CTNND2: variants seen among roughly 807,000 people sequenced by gnomAD.
CTNND2 encodes catenin delta-2.
A neutral mutation model predicts 144.4 loss-of-function variants in CTNND2; 22 were observed. That is an observed-to-expected ratio of 0.15 (90% confidence interval 0.11 to 0.22). The LOEUF is 0.22. Among genes scored for constraint, CTNND2 ranks in the 10% least tolerant of loss-of-function variants. CTNND2 has a pLI of 1.00. For missense variants in CTNND2, 1,353 were observed against 1,618.8 expected, an observed-to-expected ratio of 0.84 and a Z score of 2.82; for synonymous variants, 751 against 695.6, an observed-to-expected ratio of 1.08 and a Z score of -1.25.
At chr5:11,286,344 G>T (rs1417086362) in intron 9 of CTNND2, among the ~76,000 whole-genome samples, 1 of 152,108 alleles carries the variant, frequency 6.6e-6, no homozygotes, top group African/African-American at 2.4e-5. Context: ...TTTCACTTAT[G>T]AACAAATCCC....
intron 7 of CTNND2, among the ~76,000 whole-genome samples, chr5:11,370,980 T>A (rs1757424195): frequency 6.6e-6 from 1 of 152,242 alleles, no homozygotes; most frequent in Non-Finnish European, 1.5e-5. Flanking sequence ...GGTCAGTTAA[T>A]GCACTGATAA....
rs190215469 is a variant in CTNND2 at position 11,666,085 on chromosome 5, G to A, written c.174+66051C>T. Among the ~76,000 whole-genome samples the A allele has an allele frequency of 7.2e-4, 110 of 152,272 alleles. 1 individual carries two copies. The highest frequency in any genetic ancestry group is 8.8e-4 in the Non-Finnish European group (60 of 68,026). On this transcript the variant is annotated intron_variant, in intron 2 of 21. Coordinates refer to ENST00000304623, the MANE Select transcript of CTNND2 (RefSeq NM_001332.4). ...GTACTACAGAATGATAGCCAAGAAG[G>A]ATGACACTTAAGCCCCAAACCTAAC...
intron 1 of CTNND2, among the ~76,000 whole-genome samples, chr5:11,800,590 T>C (rs1269928657): frequency 6.6e-6 from 1 of 152,178 alleles, no homozygotes; most frequent in East Asian, 1.9e-4. Context: ...CACCAAGTGA[T>C]GAAGGAAAAG....
At chr5:11,748,811 T>C (rs1341082869) in intron 1 of CTNND2, among the ~76,000 whole-genome samples, 2 of 152,084 alleles carry the variant, frequency 1.3e-5, no homozygotes, top group African/African-American at 4.8e-5. Context: ...GGTTCTTTCA[T>C]ACTCCTCTCT....
chr5:11,709,638 A>G (rs1785909814), intron 2 of CTNND2, among the ~76,000 whole-genome samples: 1 of 152,190 alleles, frequency 6.6e-6, no homozygotes, highest in South Asian at 2.1e-4. Flanking sequence ...AATTCTACAG[A>G]AAGCAATAAG....
rs376212383 is a variant in CTNND2 at position 11,557,752 on chromosome 5, G to A, written c.287+7192C>T. Reference sequence around the variant, plus strand: ...ACATTCCTAGGATTATACAGTCTGCGAAAACCAACTGATGACGGGAATCTT... The same window carrying A: ...ACATTCCTAGGATTATACAGTCTGCAAAAACCAACTGATGACGGGAATCTT... On this transcript the variant is annotated intron_variant, in intron 3 of 21. Coordinates refer to ENST00000304623, the MANE Select transcript of CTNND2 (RefSeq NM_001332.4). Among the ~76,000 whole-genome samples, 11 of 152,118 alleles carry A rather than the reference G, an allele frequency of 7.2e-5. No homozygotes were observed. The South Asian group carries it at 2.3e-3, about 32-fold the overall frequency.
chr5:11,805,575 C>T (rs10053562), intron 1 of CTNND2, among the ~76,000 whole-genome samples: 15,148 of 152,044 alleles, frequency 0.1, 1,785 homozygotes, highest in African/African-American at 0.28. Context: ...ATGTCAAAGC[C>T]ACTCAGTAGC....
chr5:11,126,146 A>C (rs1754649974), intron 12 of CTNND2, among the ~76,000 whole-genome samples: 1 of 152,174 alleles, frequency 6.6e-6, no homozygotes, highest in African/African-American at 2.4e-5. Context: ...TACTAAAAAT[A>C]CAAAATTAGC....
At chr5:11,013,104 G>A (rs1477399175) in intron 18 of CTNND2, among the ~76,000 whole-genome samples, 1 of 152,108 alleles carries the variant, frequency 6.6e-6, no homozygotes, top group Non-Finnish European at 1.5e-5. Flanking sequence ...CATTCGAGAG[G>A]TGCCTCCTTA....
chr5:11,349,909 A>G (rs772696132), intron 8 of CTNND2, among the ~76,000 whole-genome samples: 1 of 152,188 alleles, frequency 6.6e-6, no homozygotes, highest in African/African-American at 2.4e-5. Context: ...AGGCTGAGGT[A>G]GGCAGATCAT....
At chr5:11,090,132 G>A (rs1004690596) in intron 15 of CTNND2, among the ~76,000 whole-genome samples, 3 of 152,192 alleles carry the variant, frequency 2.0e-5, no homozygotes, top group African/African-American at 4.8e-5. Context: ...CTTTGACTCA[G>A]GGCTTATGAA....
At chr5:11,718,737 T>G (rs1025679603) in intron 2 of CTNND2, among the ~76,000 whole-genome samples, 73 of 152,312 alleles carry the variant, frequency 4.8e-4, no homozygotes, top group African/African-American at 1.6e-3. Context: ...GCACTCTCTC[T>G]CCAGCGGATT....
chr5:10,986,104 A>C (rs745801953), intron 20 of CTNND2, among the ~76,000 whole-genome samples: 17 of 152,224 alleles, frequency 1.1e-4, no homozygotes, highest in Non-Finnish European at 2.2e-4. Context: ...CCTGAATTGC[A>C]TTTTTAAGTA....
At chr5:11,758,270 G>A (rs1461815793) in intron 1 of CTNND2, among the ~76,000 whole-genome samples, 2 of 151,794 alleles carry the variant, frequency 1.3e-5, no homozygotes, top group Non-Finnish European at 2.9e-5. Flanking sequence ...AGTATGATAT[G>A]ATGTTTTGAT....
chr5:11,644,809 C>G (rs1400929614), intron 2 of CTNND2, among the ~76,000 whole-genome samples: 1 of 151,974 alleles, frequency 6.6e-6, no homozygotes, highest in African/African-American at 2.4e-5. Context: ...TGCTTGTCAC[C>G]CATAAGTCAA....
intron 10 of CTNND2, among the ~76,000 whole-genome samples, chr5:11,224,242 A>G (rs754595439): frequency 2.6e-5 from 4 of 152,178 alleles, no homozygotes; most frequent in African/African-American, 4.8e-5. Flanking sequence ...CACTGGCCCA[A>G]TAATTCCTGA....
intron 12 of CTNND2, among the ~76,000 whole-genome samples, chr5:11,127,996 A>G (rs1172408345): frequency 6.6e-6 from 1 of 151,920 alleles, no homozygotes; most frequent in East Asian, 1.9e-4. Flanking sequence ...TAATTCTTGG[A>G]GTCTGTGAAC....
chr5:10,976,176 TGTG>T (rs1486804671), intron 21 of CTNND2, among the ~76,000 whole-genome samples: 8 of 93,750 alleles, frequency 8.5e-5, no homozygotes, highest in African/African-American at 2.5e-4. Context: ...TGTGGTATCT[TGTG>T]GTATTTGCTC....
intron 13 of CTNND2, 47 bp from the exon 14 acceptor site, chr5:11,111,090 T>C: frequency 6.4e-7 from 1 of 1,565,962 alleles, no homozygotes; most frequent in Non-Finnish European, 8.7e-7. Flanking sequence ...AAACTAGCAC[T>C]CAGCACTCCA....
Sources: gnomAD v4.1 joint callset for allele counts (sites outside exome capture counted in the v4.1 genomes callset) on GRCh38, gnomAD v4.1.1 for gene constraint, MANE v1.5 for transcripts, NCBI Gene and HGNC (gene_info 2026-07-23, HGNC 2026-07-21) for gene names.